Variants in FOXP1 observed in about 807,000 individuals in gnomAD.
The protein encoded by FOXP1 is forkhead box protein P1.
A neutral mutation model predicts 98.2 loss-of-function variants in FOXP1; 15 were observed. The ratio of observed to expected loss-of-function variants is 0.15; its 90% CI spans 0.10 to 0.24. FOXP1 has a LOEUF of 0.24. FOXP1 is among the 10% of genes least tolerant of loss of function. FOXP1 has a pLI of 1.00. For synonymous variants in FOXP1, 371 were observed against 314.5 expected (o/e 1.18, Z -1.90); for missense variants, 633 against 848.5 (o/e 0.75, Z 3.15).
intron 6 of FOXP1, among the ~76,000 whole-genome samples, chr3:71,190,230 A>G (rs1355514280): frequency 6.6e-6 from 1 of 152,108 alleles, no homozygotes; most frequent in East Asian, 1.9e-4. Flanking sequence ...GTAAACTCTA[A>G]GTTATTCTCC....
intron 2 of FOXP1, among the ~76,000 whole-genome samples, chr3:71,578,752 C>A (rs139505223): frequency 2.2e-3 from 329 of 152,238 alleles, no homozygotes; most frequent in African/African-American, 7.4e-3. Context: ...AACAGACATA[C>A]CCTTCAACAG....
intron 5 of FOXP1, among the ~76,000 whole-genome samples, chr3:71,241,792 C>G (rs937711860): frequency 6.6e-6 from 1 of 152,132 alleles, no homozygotes; most frequent in East Asian, 1.9e-4. Flanking sequence ...TTAAATTACA[C>G]CATAATTAGC....
intron 3 of FOXP1, among the ~76,000 whole-genome samples, chr3:71,409,695 A>T (rs2082590302): frequency 6.6e-6 from 1 of 152,184 alleles, no homozygotes. Context: ...TAGGGGTTTT[A>T]ACTCTGGGGT....
chr3:70,960,577 C>T lies in FOXP1; in HGVS notation c.1890-1186G>A, dbSNP rs2033139117. Among the ~76,000 whole-genome samples the T allele has an allele frequency of 1.3e-5, 2 of 152,324 alleles. 1 individual carries two copies. Among genetic ancestry groups the T allele is most frequent in the South Asian group, 4.1e-4 (2 of 4,826 alleles). ...AGAACCATTTGAGTTAAAATGGTCC[C>T]ATCTCTGGGACAGGCTGCAGAAGGG... On this transcript the variant is annotated intron_variant, in intron 20 of 20. Transcript: ENST00000649528.
At chr3:71,190,655 A>AAG (rs1553773535) in intron 6 of FOXP1, among the ~76,000 whole-genome samples, 1 of 151,360 alleles carries the variant, frequency 6.6e-6, no homozygotes, top group African/African-American at 2.4e-5. Context: ...AAAAAAAAAA[A>AAG]AAAAAAGAAA....
intron 3 of FOXP1, among the ~76,000 whole-genome samples, chr3:71,451,238 C>G (rs893156226): frequency 6.6e-6 from 1 of 152,134 alleles, no homozygotes; most frequent in Non-Finnish European, 1.5e-5. Flanking sequence ...ACTTACTGGC[C>G]GGCCAGAAAG....
chr3:71,561,771 A>G (rs1022610906), intron 2 of FOXP1, among the ~76,000 whole-genome samples: 5 of 152,178 alleles, frequency 3.3e-5, no homozygotes, highest in Admixed American at 2.0e-4. Flanking sequence ...GAAAATCATC[A>G]TCGAGCACCA....
At chr3:71,233,243 G>C (rs2066477791) in intron 5 of FOXP1, among the ~76,000 whole-genome samples, 2 of 148,662 alleles carry the variant, frequency 1.3e-5, no homozygotes, top group South Asian at 2.2e-4. Flanking sequence ...GGGGAGGGAA[G>C]GGGAGAGGAG....
At chr3:71,501,903 G>C (rs1189020407) in intron 2 of FOXP1, among the ~76,000 whole-genome samples, 1 of 152,140 alleles carries the variant, frequency 6.6e-6, no homozygotes, top group Admixed American at 6.5e-5. Flanking sequence ...TCCTGTTCAA[G>C]CTCTTTGGTT....
chr3:71,145,706 T>C (rs1320603982), intron 6 of FOXP1, among the ~76,000 whole-genome samples: 1 of 152,196 alleles, frequency 6.6e-6, no homozygotes, highest in East Asian at 1.9e-4. Flanking sequence ...CATAGGTGTA[T>C]AGTGGTATCG....
At chr3:71,086,756 C>A (rs1381648041) in intron 7 of FOXP1, among the ~76,000 whole-genome samples, 1 of 152,176 alleles carries the variant, frequency 6.6e-6, no homozygotes, top group Non-Finnish European at 1.5e-5. Flanking sequence ...AGCAGAAAAC[C>A]AATTTATGTA....
chr3:71,051,749 C>T (rs914267379), intron 9 of FOXP1, among the ~76,000 whole-genome samples: 6 of 152,126 alleles, frequency 3.9e-5, no homozygotes, highest in Admixed American at 1.3e-4. Flanking sequence ...CACATGCACA[C>T]GGATACTCCC....
intron 7 of FOXP1, among the ~76,000 whole-genome samples, chr3:71,056,913 T>C (rs993624376): frequency 1.3e-5 from 2 of 152,206 alleles, no homozygotes; most frequent in African/African-American, 4.8e-5. Context: ...CGTCCAACTT[T>C]TTCATGTAGC....
chr3:70,990,758 G>C (rs1279929245), intron 13 of FOXP1, among the ~76,000 whole-genome samples: 1 of 152,236 alleles, frequency 6.6e-6, no homozygotes, highest in African/African-American at 2.4e-5. Flanking sequence ...ATTAGAGGGA[G>C]CTGCTTGTGC....
chr3:71,460,398 C>T (rs774392463), intron 3 of FOXP1, among the ~76,000 whole-genome samples: 5 of 151,848 alleles, frequency 3.3e-5, no homozygotes, highest in Non-Finnish European at 7.4e-5. Flanking sequence ...TACCACCATG[C>T]CCCGCTAATT....
intron 3 of FOXP1, among the ~76,000 whole-genome samples, chr3:71,489,794 T>G (rs1288142626): frequency 6.6e-6 from 1 of 152,178 alleles, no homozygotes; most frequent in East Asian, 1.9e-4. Context: ...ATCAATCGAG[T>G]ACATTACCCG....
Position 71,408,400 on chromosome 3 carries a change from A to G in FOXP1, c.-167-49156T>C, listed in dbSNP as rs1180346662. Among the ~76,000 whole-genome samples the G allele has an allele frequency of 5.3e-5, 8 of 152,228 alleles. No homozygotes were observed. In the East Asian group the frequency reaches 1.5e-3, roughly 29 times the overall value. On this transcript the variant is annotated intron_variant, in intron 3 of 20. Coordinates refer to ENST00000649528, the MANE Select transcript of FOXP1 (RefSeq NM_001349338.3). ...AAGAAAGCCAAGCAAGTTGAAAACC[A>G]GCTAATCAGGCTCGCACACAGCCGT...
intron 4 of FOXP1, among the ~76,000 whole-genome samples, chr3:71,307,207 G>T (rs2074342964): frequency 6.6e-6 from 1 of 152,102 alleles, no homozygotes; most frequent in African/African-American, 2.4e-5. Flanking sequence ...ACTGTATTTG[G>T]ACTAAAAAGG....
At chr3:71,430,009 C>T (rs1396975186) in intron 3 of FOXP1, among the ~76,000 whole-genome samples, 3 of 152,208 alleles carry the variant, frequency 2.0e-5, no homozygotes, top group Admixed American at 1.3e-4. Flanking sequence ...TGGCAACTTT[C>T]GGAAATGAAG....
Sources: allele counts gnomAD v4.1 joint callset (sites outside exome capture counted in the v4.1 genomes callset), GRCh38; gene constraint gnomAD v4.1.1; transcripts MANE v1.5; gene names NCBI Gene and HGNC (gene_info 2026-07-23, HGNC 2026-07-21).